Variants in JAK1 observed in about 807,000 individuals in gnomAD.
The protein encoded by JAK1 is tyrosine-protein kinase JAK1.
Under a neutral mutation model 136.6 loss-of-function variants are expected in JAK1, and 16 were observed. The observed-to-expected ratio is 0.12, with a 90% CI of 0.08 to 0.18. The LOEUF (loss-of-function observed/expected upper bound fraction) is 0.18. JAK1 is among the 10% of genes least tolerant of loss of function. The pLI, the probability that JAK1 is intolerant of heterozygous loss-of-function variation, is 1.00. For synonymous variants in JAK1, 492 were observed against 519.5 expected (o/e 0.95, Z 0.72); for missense variants, 859 against 1,450.1 (o/e 0.59, Z 6.62).
intron 2 of JAK1, among the ~76,000 whole-genome samples, chr1:65,027,716 G>A (rs1646990144): frequency 6.6e-6 from 1 of 152,140 alleles, no homozygotes; most frequent in Non-Finnish European, 1.5e-5. Context: ...AAATGTCCTG[G>A]TCAGCCTAAT....
At chr1:65,018,924 C>A (rs570508085) in intron 2 of JAK1, among the ~76,000 whole-genome samples, 1 of 152,034 alleles carries the variant, frequency 6.6e-6, no homozygotes, top group East Asian at 1.9e-4. Flanking sequence ...GGCAGGAGAA[C>A]GGGGTGAACC....
At chr1:64,931,180 C>A (rs924290299) in intron 1 of JAK1, among the ~76,000 whole-genome samples, 4 of 152,052 alleles carry the variant, frequency 2.6e-5, no homozygotes, top group Non-Finnish European at 4.4e-5. Context: ...CACTGAGATT[C>A]CACATCGGAC....
At chr1:65,044,927 G>C (rs1196769480) in intron 1 of JAK1, among the ~76,000 whole-genome samples, 1 of 149,036 alleles carries the variant, frequency 6.7e-6, no homozygotes, top group Non-Finnish European at 1.5e-5. Flanking sequence ...CAGGTTGTTG[G>C]AACAAATGGA....
upstream of JAK1, among the ~76,000 whole-genome samples, chr1:64,969,528 A>T (rs1196407387): frequency 2.6e-5 from 4 of 152,116 alleles, no homozygotes; most frequent in Admixed American, 6.6e-5. Flanking sequence ...TCTAGGGATA[A>T]TGTGGAAGAT....
intron 1 of JAK1, among the ~76,000 whole-genome samples, chr1:64,931,590 A>G (rs1432597724): frequency 1.3e-5 from 2 of 151,974 alleles, no homozygotes; most frequent in Non-Finnish European, 2.9e-5. Flanking sequence ...CAGGGGCATC[A>G]TCCCTAGGAG....
chr1:64,959,206 C>G (rs1646241660), intron 1 of JAK1, among the ~76,000 whole-genome samples: 1 of 152,160 alleles, frequency 6.6e-6, no homozygotes, highest in Admixed American at 6.5e-5. Flanking sequence ...TGCCCAGACC[C>G]AAGAAACCAG....
chr1:64,936,380 T>G (rs1645789593), intron 1 of JAK1, among the ~76,000 whole-genome samples: 4 of 152,196 alleles, frequency 2.6e-5, no homozygotes, highest in Admixed American at 2.6e-4. Flanking sequence ...TTTGACACAG[T>G]GCACCCTCCA....
chr1:64,980,672 C>T (rs1383161617), intron 2 of JAK1, among the ~76,000 whole-genome samples: 2 of 151,884 alleles, frequency 1.3e-5, no homozygotes, highest in Admixed American at 6.6e-5. Context: ...GTGCTGCACC[C>T]ATTAACTCGT....
At chr1:65,044,451 G>A (rs1424730801) in intron 2 of JAK1, among the ~76,000 whole-genome samples, 1 of 152,204 alleles carries the variant, frequency 6.6e-6, no homozygotes, top group Non-Finnish European at 1.5e-5. Flanking sequence ...AAATGGGTTA[G>A]TGTGACATTA....
chr1:64,917,302 C>T (rs960765034), intron 1 of JAK1, among the ~76,000 whole-genome samples: 2 of 152,042 alleles, frequency 1.3e-5, no homozygotes, highest in Non-Finnish European at 2.9e-5. Context: ...AAATTATCAA[C>T]GAAGTATGAA....
intron 1 of JAK1, among the ~76,000 whole-genome samples, chr1:64,958,757 C>T (rs1243520567): frequency 6.6e-6 from 1 of 152,194 alleles, no homozygotes; most frequent in African/African-American, 2.4e-5. Flanking sequence ...AGCCTTACTA[C>T]AACCTGATCA....
intron 2 of JAK1, among the ~76,000 whole-genome samples, chr1:65,037,267 G>A (rs1277342719): frequency 6.6e-6 from 1 of 152,122 alleles, no homozygotes; most frequent in African/African-American, 2.4e-5. Context: ...AAAGGGGTGT[G>A]TGTGTGTTTT....
chr1:64,963,029 G>A (rs778052261), intron 1 of JAK1, among the ~76,000 whole-genome samples: 1 of 152,134 alleles, frequency 6.6e-6, no homozygotes, highest in South Asian at 2.1e-4. Flanking sequence ...CCTAGACTGT[G>A]CCACTGCATT....
At chr1:64,870,287 C>G (rs1656997056) in intron 5 of JAK1, among the ~76,000 whole-genome samples, 1 of 152,194 alleles carries the variant, frequency 6.6e-6, no homozygotes, top group African/African-American at 2.4e-5. Flanking sequence ...AAACAGTAAA[C>G]AGCCCCTATT....
At chr1:64,930,682 T>C (rs1440021893) in intron 1 of JAK1, among the ~76,000 whole-genome samples, 1 of 152,104 alleles carries the variant, frequency 6.6e-6, no homozygotes, top group East Asian at 1.9e-4. Flanking sequence ...CATTCTACTA[T>C]AAAGACACAT....
At chr1:64,838,362 A>G (rs1654624087) in intron 21 of JAK1, 103 bp downstream of exon 21, 1 of 1,224,792 alleles carries the variant, frequency 8.2e-7, no homozygotes, top group Admixed American at 2.2e-5. Context: ...AACAAACAGT[A>G]TAATTATCAT....
At chr1:64,995,053 T>A (rs1646692644) in intron 2 of JAK1, 1 of 152,046 alleles carries the variant, frequency 6.6e-6, no homozygotes, top group Non-Finnish European at 1.5e-5. Flanking sequence ...GTTGTCTTTA[T>A]TTTAGGCTGT....
intron 2 of JAK1, among the ~76,000 whole-genome samples, chr1:65,006,833 T>C (rs1646807880): frequency 6.6e-6 from 1 of 152,234 alleles, no homozygotes; most frequent in Non-Finnish European, 1.5e-5. Context: ...CAGACATTAT[T>C]AAATAGTAAT....
At chr1:65,015,844 T>TTA (rs1475479939) in intron 2 of JAK1, among the ~76,000 whole-genome samples, 4 of 152,064 alleles carry the variant, frequency 2.6e-5, no homozygotes, top group Admixed American at 6.6e-5. Context: ...CTCCTAAGTA[T>TTA]TATATATATA....
Sources: gnomAD v4.1 joint callset for allele counts (sites outside exome capture counted in the v4.1 genomes callset) on GRCh38, gnomAD v4.1.1 for gene constraint, MANE v1.5 for transcripts, NCBI Gene and HGNC (gene_info 2026-07-23, HGNC 2026-07-21) for gene names.